Variants in SUPT20H observed in about 807,000 individuals in gnomAD.
SUPT20H encodes SPT20 homolog, SAGA complex component.
In SUPT20H, 82 loss-of-function variants were observed where a neutral mutation model predicts 122.8. The ratio of observed to expected loss-of-function variants is 0.67; its 90% CI spans 0.56 to 0.80. The LOEUF is 0.80. Ranked by LOEUF, SUPT20H falls within the 30% of genes least tolerant of loss-of-function variation. SUPT20H has a pLI of 0.00. For missense variants in SUPT20H, 831 were observed against 921.6 expected, an observed-to-expected ratio of 0.90 and a Z score of 1.27; for synonymous variants, 291 against 313.0, an observed-to-expected ratio of 0.93 and a Z score of 0.74.
chr13:37,045,676 A>C, intron 5 of SUPT20H, among the ~76,000 whole-genome samples: 1 of 152,326 alleles, frequency 6.6e-6, no homozygotes, highest in Non-Finnish European at 1.5e-5. Context: ...AGAAATAAAA[A>C]TATTTAAATA....
chr13:37,011,326 A>G (rs1312058113), intron 24 of SUPT20H, among the ~76,000 whole-genome samples: 1 of 152,194 alleles, frequency 6.6e-6, no homozygotes, highest in African/African-American at 2.4e-5. Flanking sequence ...TATTTTCGGA[A>G]ATTCACAATT....
At chr13:37,026,266 A>G (rs899392314) in intron 15 of SUPT20H, 30 bp from the exon 16 acceptor site, 1 of 1,457,248 alleles carries the variant, frequency 6.9e-7, no homozygotes, top group Non-Finnish European at 9.1e-7. Flanking sequence ...AAAAGGAGAG[A>G]AAAGTATTAG....
At chr13:37,053,390 G>A (rs2068171144) in intron 1 of SUPT20H, among the ~76,000 whole-genome samples, 2 of 152,064 alleles carry the variant, frequency 1.3e-5, no homozygotes, top group African/African-American at 4.8e-5. Flanking sequence ...TAATGATTCT[G>A]GAAACCATCA....
intron 9 of SUPT20H, chr13:37,039,420 C>G (rs2065069001): frequency 6.6e-6 from 1 of 152,016 alleles, no homozygotes; most frequent in South Asian, 2.1e-4. Flanking sequence ...AGATGAAGAG[C>G]AAAGATCATG....
Position 37,028,184 on chromosome 13 carries a change from G to C in SUPT20H, c.1115C>G (p.Ala372Gly), listed in dbSNP as rs1468084846. The C allele has an allele frequency of 9.9e-6, 16 of 1,611,806 alleles. No homozygotes were observed. In the East Asian group the frequency reaches 1.3e-4, roughly 14 times the overall value. ...CATCTGGCTGTCACTTTCTTCATCT[G>C]CTTTACATGGCTGTATTTTACCATA... The part of the protein sequence containing the change: ...LYYGKIQPCK[A>G]DEESDSQMSP... Residue 372 changes from alanine (A) to glycine (G), a missense_variant, in exon 14 of 26, where the codon GCA becomes GGA. Transcript: ENST00000350612.
chr13:37,026,172 C>A, intron 16 of SUPT20H, 32 bp downstream of exon 16: 2 of 1,558,440 alleles, frequency 1.3e-6, no homozygotes, highest in South Asian at 2.4e-5. Flanking sequence ...CATATCCATC[C>A]TGACCAAAAT....
rs186754337 is a variant in SUPT20H, at chr13:37,047,312, C to T, written c.165+223G>A. 219 of 338,552 alleles carry T rather than the reference C, an allele frequency of 6.5e-4. No individual in the cohort carries two copies. The East Asian group carries it at 0.014, about 21-fold the overall frequency. The allele number at this position is 338,552 out of a possible 1,614,324, so 21.0% of individuals were successfully genotyped here. ...GCTTATGACTTCCTAGTGAGACAGT[C>T]TGATACTCAATATAACTGTTCCTTC... On this transcript the variant is annotated intron_variant, in intron 5 of 25. Coordinates refer to ENST00000350612, the MANE Select transcript of SUPT20H (RefSeq NM_001014286.3).
Position 37,026,805 on chromosome 13 carries a change from T to G in SUPT20H, c.1163A>C (p.Asp388Ala), listed in dbSNP as rs1034868953. 3 of 1,441,664 alleles carry G rather than the reference T, an allele frequency of 2.1e-6. No individual in the cohort carries two copies. In the East Asian group the frequency reaches 8.1e-5, roughly 39 times the overall value. 89.3% of individuals were successfully genotyped at this position (1,441,664 alleles called of 1,614,324 possible). The change falls in exon 15 of 26, where the codon GAT becomes GCT. Residue 388 changes from aspartate (D) to alanine (A), a missense_variant. Physicochemically the swap from Asp to Ala is moderately radical, Grantham distance 126. Transcript: ENST00000350612. ...SQMSPSHSST[D>A]DHSNWFIIGS... ...TTTTAATTACCAATTTGAATGATCA[T>G]CTGTGGACGAGCTGAAATATAAAAT...
intron 1 of SUPT20H, among the ~76,000 whole-genome samples, chr13:37,054,398 C>A (rs1430220535): frequency 1.3e-5 from 2 of 152,172 alleles, no homozygotes; most frequent in Non-Finnish European, 2.9e-5. Context: ...AATCCAGCAG[C>A]ACATCAAAAA....
At position 37,021,482 on chromosome 13, in the gene SUPT20H, T is replaced by G; in HGVS notation, c.1782A>C (p.Ala594=). The change falls in exon 21 of 26, where the codon GCA becomes GCC. Residue 594 remains alanine, a synonymous_variant. Transcript: ENST00000350612. ...LLPSGGLLPN[A]LPSAMQAASQ... ...AAGCTGCCTGCATTGCACTGGGCAG[T>G]GCATTTGGTAGCAGACCTCCTGAGG... The G allele has an allele frequency of 6.2e-7, 1 of 1,613,992 alleles. No homozygotes were observed. The highest frequency in any genetic ancestry group is 8.5e-7 in the Non-Finnish European group (1 of 1,179,934).
rs80345117 is a variant in SUPT20H at position 37,043,972 on chromosome 13, T to C, written c.396+106A>G. 4.8e-3 allele frequency: 2,852 copies of C among 599,236 alleles called. 84 individuals are homozygous for C. In the East Asian group the frequency reaches 0.066, roughly 14 times the overall value. 37.1% of individuals were successfully genotyped at this position (599,236 alleles called of 1,614,324 possible). A position where few individuals can be genotyped will look rare whatever the true frequency, so the allele number is the denominator to read the frequency against. ...AAATATCATCTGTCATGAAACATCA[T>C]GTAGTCGTTTATATACATATATGTA... On this transcript the variant is annotated intron_variant, in intron 7 of 25. Transcript: ENST00000350612.
At position 37,012,242 on chromosome 13, in the gene SUPT20H, G is replaced by T. The variant is rs1166243865; in HGVS notation, c.2048C>A (p.Ala683Asp). The T allele has an allele frequency of 3.7e-6, 6 of 1,613,496 alleles. No individual in the cohort carries two copies. The highest frequency in any genetic ancestry group is 5.1e-6 in the Non-Finnish European group (6 of 1,179,544). The change falls in exon 24 of 26, where the codon GCT (alanine) becomes GAT (aspartate). Residue 683 changes from alanine (A) to aspartate (D), a missense_variant. Physicochemically the swap from Ala to Asp is moderately radical, Grantham distance 126. Transcript: ENST00000350612. ...TCCTACTCCAGTAAGGTTAATAACA[G>T]CAGCTTGCTGAGCAGATAAGGCCTG... ...QEQALSAQQA[A>D]VINLTGVGSF...
intron 2 of SUPT20H, among the ~76,000 whole-genome samples, chr13:37,050,850 G>A (rs972329998): frequency 6.6e-6 from 1 of 152,182 alleles, no homozygotes; most frequent in African/African-American, 2.4e-5. Context: ...GATGTTTTCT[G>A]AAGTTTGTGA....
chr13:37,025,694 T>A (rs1386837656), intron 16 of SUPT20H: 1 of 338,212 alleles, frequency 3.0e-6, no homozygotes. Flanking sequence ...ATACAGAAAT[T>A]ACAGGGATTA....
Position 37,031,655 on chromosome 13 carries a change from T to A in SUPT20H, c.865-32A>T, listed in dbSNP as rs746969223. The A allele has an allele frequency of 2.6e-6, 4 of 1,543,188 alleles. No homozygotes were observed. The Admixed American group carries it at 9.0e-5, about 35-fold the overall frequency. On this transcript the variant is annotated intron_variant, in intron 11 of 25. Transcript: ENST00000350612. The stretch of plus-strand genomic sequence containing the variant: ...AATTAAAAACAATATACTGAAAAAT[T>A]AAAAACAATATAAATATACTGAAAA...
chr13:37,025,459 G>C, intron 16 of SUPT20H, 22 bp from the exon 17 acceptor site: 6 of 1,540,814 alleles, frequency 3.9e-6, no homozygotes, highest in Non-Finnish European at 5.3e-6. Flanking sequence ...GGAGAAAACA[G>C]GTAAAGATTA....
chr13:37,014,589 T>C (rs993763472), intron 23 of SUPT20H, among the ~76,000 whole-genome samples: 5 of 152,112 alleles, frequency 3.3e-5, no homozygotes, highest in African/African-American at 9.7e-5. Flanking sequence ...TCCCAAGTAT[T>C]TGGAAATCAA....
At chr13:37,047,710 C>A in intron 4 of SUPT20H, 109 bp from the exon 5 acceptor site, 1 of 1,226,804 alleles carries the variant, frequency 8.2e-7, no homozygotes, top group Non-Finnish European at 1.1e-6. Context: ...CTCAATTTCC[C>A]AAAAACTGGG....
At chr13:37,051,380 G>T in intron 2 of SUPT20H, 108 bp downstream of exon 2, 1 of 1,187,122 alleles carries the variant, frequency 8.4e-7, no homozygotes, top group Non-Finnish European at 1.2e-6. Flanking sequence ...GGGATAACCT[G>T]TACAGCTTAC....
Sources: gnomAD v4.1 joint callset for allele counts (sites outside exome capture counted in the v4.1 genomes callset) on GRCh38, gnomAD v4.1.1 for gene constraint, MANE v1.5 for transcripts, NCBI Gene and HGNC (gene_info 2026-07-23, HGNC 2026-07-21) for gene names.